Variants in EXOC6B observed in about 807,000 individuals in gnomAD.
The protein encoded by EXOC6B is exocyst complex component 6B.
In EXOC6B, 54 loss-of-function variants were observed where a neutral mutation model predicts 113.5. The observed-to-expected ratio is 0.48, with a 90% CI of 0.38 to 0.60. The LOEUF is 0.60. Ranked by LOEUF, EXOC6B falls within the 20% of genes least tolerant of loss-of-function variation. The pLI, the probability that EXOC6B is intolerant of heterozygous loss-of-function variation, is 0.00. For missense variants in EXOC6B, 797 were observed against 977.5 expected (o/e 0.82, Z 2.46); for synonymous variants, 357 against 339.0 (o/e 1.05, Z -0.58).
intron 1 of EXOC6B, among the ~76,000 whole-genome samples, chr2:72,763,411 A>C (rs1682858101): frequency 6.7e-6 from 1 of 150,032 alleles, no homozygotes; most frequent in Non-Finnish European, 1.5e-5. Flanking sequence ...GAGAAAGTCA[A>C]TTTGAACGTG....
chr2:72,612,392 T>C (rs1671128851), intron 6 of EXOC6B, among the ~76,000 whole-genome samples: 1 of 152,182 alleles, frequency 6.6e-6, no homozygotes. Context: ...GGTAGTATCC[T>C]AAGTGAGGCA....
chr2:72,200,759 T>C (rs1679441548), intron 20 of EXOC6B, among the ~76,000 whole-genome samples: 1 of 152,116 alleles, frequency 6.6e-6, no homozygotes, highest in African/African-American at 2.4e-5. Context: ...AACAAAAATC[T>C]TTGAGAATAG....
intron 6 of EXOC6B, among the ~76,000 whole-genome samples, chr2:72,639,241 C>G (rs990094563): frequency 1.3e-5 from 2 of 152,180 alleles, no homozygotes; most frequent in Non-Finnish European, 1.5e-5. Context: ...TGAGACAGCC[C>G]TGACCCCACT....
At chr2:72,187,185 G>A (rs1225099172) in intron 20 of EXOC6B, among the ~76,000 whole-genome samples, 1 of 152,128 alleles carries the variant, frequency 6.6e-6, no homozygotes, top group Non-Finnish European at 1.5e-5. Flanking sequence ...GAATGTGGCA[G>A]CACCCAGAAG....
At chr2:72,540,881 T>A (rs1417014625) in intron 8 of EXOC6B, among the ~76,000 whole-genome samples, 3 of 152,166 alleles carry the variant, frequency 2.0e-5, no homozygotes, top group African/African-American at 7.2e-5. Context: ...GCAGAAAAAG[T>A]TTGTAAATCC....
At chr2:72,280,432 A>G (rs1267245671) in intron 20 of EXOC6B, among the ~76,000 whole-genome samples, 2 of 152,210 alleles carry the variant, frequency 1.3e-5, no homozygotes, top group Non-Finnish European at 2.9e-5. Flanking sequence ...ATATGGGTAT[A>G]AAAGTTTAAA....
At chr2:72,561,452 T>A (rs1410865464) in intron 7 of EXOC6B, among the ~76,000 whole-genome samples, 1 of 152,134 alleles carries the variant, frequency 6.6e-6, no homozygotes, top group East Asian at 1.9e-4. Context: ...AATCATAATT[T>A]TGTTTATATG....
At chr2:72,677,109 T>G (rs896920373) in intron 6 of EXOC6B, among the ~76,000 whole-genome samples, 3 of 152,190 alleles carry the variant, frequency 2.0e-5, no homozygotes, top group African/African-American at 7.2e-5. Context: ...TCTATTTGCG[T>G]AGAATCTTAC....
intron 1 of EXOC6B, among the ~76,000 whole-genome samples, chr2:72,781,987 A>G (rs1426778195): frequency 6.6e-6 from 1 of 151,910 alleles, no homozygotes; most frequent in Non-Finnish European, 1.5e-5. Flanking sequence ...AAAAATACAA[A>G]AAATTAGCTG....
intron 6 of EXOC6B, among the ~76,000 whole-genome samples, chr2:72,681,065 A>C (rs1388083768): frequency 1.3e-5 from 2 of 152,168 alleles, no homozygotes; most frequent in African/African-American, 4.8e-5. Context: ...TGCCTTCTTA[A>C]AACCTTCAAT....
At chr2:72,704,253 C>T (rs1380920726) in intron 6 of EXOC6B, among the ~76,000 whole-genome samples, 1 of 150,492 alleles carries the variant, frequency 6.6e-6, no homozygotes, top group Non-Finnish European at 1.5e-5. Context: ...AATGAAGGCA[C>T]AAATAAAGAT....
intron 6 of EXOC6B, among the ~76,000 whole-genome samples, chr2:72,663,888 TA>T (rs1022080219): frequency 5.9e-5 from 9 of 151,986 alleles, no homozygotes; most frequent in Admixed American, 5.2e-4. Flanking sequence ...TCATCAATTA[TA>T]AAAAAAAGTA....
chr2:72,273,173 G>T (rs1454408147), intron 20 of EXOC6B, among the ~76,000 whole-genome samples: 1 of 151,904 alleles, frequency 6.6e-6, no homozygotes, highest in African/African-American at 2.4e-5. Context: ...ATACACAAAG[G>T]CCCCTTAACA....
At chr2:72,338,035 C>A (rs1207532489) in intron 19 of EXOC6B, among the ~76,000 whole-genome samples, 1 of 152,168 alleles carries the variant, frequency 6.6e-6, no homozygotes, top group Non-Finnish European at 1.5e-5. Context: ...TTTAGGAATT[C>A]ATGAGCTCCC....
At chr2:72,776,839 C>T (rs930235836) in intron 1 of EXOC6B, among the ~76,000 whole-genome samples, 1 of 151,760 alleles carries the variant, frequency 6.6e-6, no homozygotes, top group Non-Finnish European at 1.5e-5. Flanking sequence ...CAAAAATTTC[C>T]TAAATCTGAT....
At chr2:72,499,826 A>G in intron 12 of EXOC6B, 75 bp downstream of exon 12, 1 of 1,025,138 alleles carries the variant, frequency 9.8e-7, no homozygotes, top group East Asian at 2.6e-5. Flanking sequence ...AAGCCACCAG[A>G]CCCAGTCAAG....
intron 19 of EXOC6B, among the ~76,000 whole-genome samples, chr2:72,370,938 T>C (rs1264795616): frequency 6.6e-6 from 1 of 151,890 alleles, no homozygotes; most frequent in Non-Finnish European, 1.5e-5. Flanking sequence ...ACATGGCACA[T>C]GTATATATAT....
chr2:72,709,491 A>G (rs1679129647), intron 6 of EXOC6B, among the ~76,000 whole-genome samples: 1 of 152,120 alleles, frequency 6.6e-6, no homozygotes, highest in Non-Finnish European at 1.5e-5. Context: ...GGTTGCTGAA[A>G]AGAAACTACA....
intron 19 of EXOC6B, among the ~76,000 whole-genome samples, chr2:72,335,743 T>C (rs1222815423): frequency 6.6e-6 from 1 of 152,148 alleles, no homozygotes; most frequent in Admixed American, 6.6e-5. Context: ...GTATTCTTTG[T>C]CCTTGACTTC....
Sources: gnomAD v4.1 joint callset for allele counts (sites outside exome capture counted in the v4.1 genomes callset) on GRCh38, gnomAD v4.1.1 for gene constraint, MANE v1.5 for transcripts, NCBI Gene and HGNC (gene_info 2026-07-23, HGNC 2026-07-21) for gene names.